ZC3H6: variants seen among roughly 807,000 people sequenced by gnomAD.
ZC3H6 encodes zinc finger CCCH-type containing 6.
A neutral mutation model predicts 107.7 loss-of-function variants in ZC3H6; 40 were observed. That is an observed-to-expected ratio of 0.37 (90% CI 0.29 to 0.48). The LOEUF (loss-of-function observed/expected upper bound fraction) is 0.48. Among genes scored for constraint, ZC3H6 ranks in the 20% least tolerant of loss-of-function variants. The pLI, the probability that ZC3H6 is intolerant of heterozygous loss-of-function variation, is 0.98. For synonymous variants in ZC3H6, 493 were observed against 487.9 expected (o/e 1.01, Z -0.14); for missense variants, 1,267 against 1,410.4 (o/e 0.90, Z 1.63).
At position 112,275,987 on chromosome 2, in the gene ZC3H6, G is replaced by C; in HGVS notation, c.-8G>C. On this transcript the variant is annotated 5_prime_UTR_variant, in exon 1 of 12. Transcript: ENST00000409871. ...TGCCCTCCAGCCCCGCCCCGTTCTT[G>C]ACCAAACATGACAGACTCTGAACAT... is the stretch of plus-strand genomic sequence containing the variant. 1 of 1,536,736 alleles carries C rather than the reference G, an allele frequency of 6.5e-7. No individual in the cohort carries two copies. The highest frequency in any genetic ancestry group is 8.8e-7 in the Non-Finnish European group (1 of 1,141,318).
chr2:112,321,404 A>G (rs1317498906), intron 7 of ZC3H6, among the ~76,000 whole-genome samples: 1 of 151,998 alleles, frequency 6.6e-6, no homozygotes, highest in Non-Finnish European at 1.5e-5. Context: ...TCTAGTTTTA[A>G]TAGAGAAAAA....
chr2:112,310,804 G>A (rs1558952681), intron 4 of ZC3H6, among the ~76,000 whole-genome samples: 2 of 152,118 alleles, frequency 1.3e-5, no homozygotes, highest in Non-Finnish European at 2.9e-5. Flanking sequence ...ATGAAGTAGT[G>A]AGGAGCCACA....
rs1251380996 is a variant in ZC3H6 at position 112,338,799 on chromosome 2, C to G, written c.*6311C>G. 6.8e-6 allele frequency: 1 copy of G among 146,178 alleles called. No homozygotes were observed. The highest frequency in any genetic ancestry group is 1.5e-5 in the Non-Finnish European group (1 of 66,340). The allele number at this position is 146,178 out of a possible 1,614,324, so 9.1% of individuals were successfully genotyped here. A position where few individuals can be genotyped will look rare whatever the true frequency, so the allele number is the denominator to read the frequency against. On this transcript the variant is annotated 3_prime_UTR_variant, in exon 12 of 12. Transcript: ENST00000409871. ...AACCATATTCTCAAACCTCCATTACCACTAATATCTTGGGGTTGTCAATGA... is the reference window on the plus strand; with the variant it reads ...AACCATATTCTCAAACCTCCATTACGACTAATATCTTGGGGTTGTCAATGA...
At position 112,277,923 on chromosome 2, in the gene ZC3H6, A is replaced by C. The variant is rs548885805; in HGVS notation, c.32+1897A>C. ...CTTCCCTGGGGAACTTTTTTTCTTT[A>C]AAGTATTGGCGCTATTTCTGTTGGT... On this transcript the variant is annotated intron_variant, in intron 1 of 11. Transcript: ENST00000409871. Among the ~76,000 whole-genome samples, 13 of 152,194 alleles carry C rather than the reference A, an allele frequency of 8.5e-5. No homozygotes were observed. The East Asian group carries it at 2.5e-3, about 29-fold the overall frequency.
In ZC3H6 at chr2:112,335,296, C is replaced by T. The variant is rs1251216950; in HGVS notation, c.*2808C>T. On this transcript the variant is annotated 3_prime_UTR_variant, in exon 12 of 12. Transcript: ENST00000409871. The stretch of plus-strand genomic sequence containing the variant: ...AAGAGCCTAATTGTGAAATGATGTG[C>T]GCTTATGTTTCTGTTTATCCTTTAG... 2 of 152,138 alleles carry T rather than the reference C, an allele frequency of 1.3e-5. No individual in the cohort carries two copies. Among genetic ancestry groups the T allele is most frequent in the African/African-American group, 2.4e-5 (1 of 41,436 alleles). The allele number at this position is 152,138 out of a possible 1,614,324, so 9.4% of individuals were successfully genotyped here. A position where few individuals can be genotyped will look rare whatever the true frequency, so the allele number is the denominator to read the frequency against.
At position 112,337,664 on chromosome 2, in the gene ZC3H6, C is replaced by T. The variant is rs537011507; in HGVS notation, c.*5176C>T. 6.6e-6 allele frequency: 1 copy of T among 151,988 alleles called. No individual in the cohort carries two copies. The highest frequency in any genetic ancestry group is 6.5e-5 in the Admixed American group (1 of 15,270). The allele number at this position is 151,988 out of a possible 1,614,324, so 9.4% of individuals were successfully genotyped here. On this transcript the variant is annotated 3_prime_UTR_variant, in exon 12 of 12. Transcript: ENST00000409871. ...TTTGAGACAGTCTCACTTTGTCGCT[C>T]AGGCTGAAGTGCAGTGGCGCTATCA...
At chr2:112,310,278 T>C in intron 4 of ZC3H6, 117 bp downstream of exon 4, 1 of 1,004,344 alleles carries the variant, frequency 1.0e-6, no homozygotes. Context: ...TTGTAGAACC[T>C]AAATTCATTT....
At chr2:112,322,203 CTCTCTCTG>C (rs1359636484) in intron 8 of ZC3H6, among the ~76,000 whole-genome samples, 8 of 150,026 alleles carry the variant, frequency 5.3e-5, no homozygotes, top group Admixed American at 4.7e-4. Context: ...TTCTCTCTCT[CTCTCTCTG>C]TCTCTTTTCT....
intron 1 of ZC3H6, among the ~76,000 whole-genome samples, chr2:112,290,477 G>A (rs747623282): frequency 6.6e-6 from 1 of 152,174 alleles, no homozygotes; most frequent in Non-Finnish European, 1.5e-5. Context: ...TACCTACTTC[G>A]TATACTTGTG....
At chr2:112,327,770 C>T (rs574596978) in intron 11 of ZC3H6, among the ~76,000 whole-genome samples, 3 of 152,246 alleles carry the variant, frequency 2.0e-5, no homozygotes, top group East Asian at 3.8e-4. Context: ...ACGAGATTGT[C>T]CTTTCCCCGA....
chr2:112,310,262 T>A, intron 4 of ZC3H6, 101 bp downstream of exon 4: 1 of 1,181,300 alleles, frequency 8.5e-7, no homozygotes, highest in Non-Finnish European at 1.2e-6. Context: ...CAAGATTAGC[T>A]TATTCTTGTA....
chr2:112,309,500 T>C (rs1461257807), intron 3 of ZC3H6, among the ~76,000 whole-genome samples: 1 of 152,206 alleles, frequency 6.6e-6, no homozygotes, highest in Admixed American at 6.5e-5. Flanking sequence ...GGAGAAATAG[T>C]ATGTTTTACC....
rs547236703 is a variant in ZC3H6, at chr2:112,331,976, G to C, written c.3058G>C (p.Ala1020Pro). ...AGGAACTAGCAATTCTGGTTCCGGG[G>C]CTCTGCCTCCATATGCCCCTAAACT... ...GAGTSNSGSG[A>P]LPPYAPKLSS... The change falls in exon 12 of 12, where the codon GCT (alanine) becomes CCT (proline). Residue 1020 changes from alanine to proline, a missense_variant. By Grantham distance (27) the Ala-to-Pro change is conservative. Around this residue, in one of 3 missense-constraint regions of ZC3H6, gnomAD observed 925 missense variants for 1,025.7 expected, o/e 0.90. Coordinates refer to ENST00000409871, the MANE Select transcript of ZC3H6 (RefSeq NM_198581.3). 6.2e-7 allele frequency: 1 copy of C among 1,613,968 alleles called. No individual in the cohort carries two copies. Among genetic ancestry groups the C allele is most frequent in the South Asian group, 1.1e-5 (1 of 91,080 alleles).
At chr2:112,295,632 G>A (rs1483934550) in intron 1 of ZC3H6, among the ~76,000 whole-genome samples, 2 of 152,120 alleles carry the variant, frequency 1.3e-5, no homozygotes, top group Non-Finnish European at 1.5e-5. Context: ...TTTGGAAGCA[G>A]TTCATAGTGT....
At position 112,338,789 on chromosome 2, in the gene ZC3H6, C is replaced by A. The variant is rs1473743746; in HGVS notation, c.*6301C>A. On this transcript the variant is annotated 3_prime_UTR_variant, in exon 12 of 12. Transcript: ENST00000409871. Reference sequence around the variant, plus strand: ...ATTAAAAAATAACCATATTCTCAAACCTCCATTACCACTAATATCTTGGGG... The same window carrying A: ...ATTAAAAAATAACCATATTCTCAAAACTCCATTACCACTAATATCTTGGGG... 1 of 146,776 alleles carries A rather than the reference C, an allele frequency of 6.8e-6. No individual in the cohort carries two copies. Among genetic ancestry groups the A allele is most frequent in the African/African-American group, 2.5e-5 (1 of 40,500 alleles). The allele number at this position is 146,776 out of a possible 1,614,324, so 9.1% of individuals were successfully genotyped here.
At chr2:112,276,777 A>G (rs1686434789) in intron 1 of ZC3H6, among the ~76,000 whole-genome samples, 1 of 152,216 alleles carries the variant, frequency 6.6e-6, no homozygotes, top group African/African-American at 2.4e-5. Flanking sequence ...TTTACAAAGT[A>G]TACTGTAGCA....
intron 10 of ZC3H6, 22 bp from the exon 11 acceptor site, chr2:112,324,942 T>G: frequency 1.9e-6 from 3 of 1,570,724 alleles, no homozygotes; most frequent in Non-Finnish European, 2.6e-6. Flanking sequence ...AATGACTGTC[T>G]CTCCCCATGT....
intron 1 of ZC3H6, among the ~76,000 whole-genome samples, chr2:112,279,038 G>A (rs1573942620): frequency 6.6e-6 from 1 of 152,180 alleles, no homozygotes; most frequent in Admixed American, 6.5e-5. Context: ...TTAAAACATT[G>A]TATTTTATAA....
rs1267263727 is a variant in ZC3H6, at chr2:112,333,751, G to GTT, written c.*1264_*1265insTT. The GTT allele has an allele frequency of 6.6e-6, 1 of 151,996 alleles. No homozygotes were observed. The highest frequency in any genetic ancestry group is 1.9e-4 in the East Asian group (1 of 5,196). 9.4% of individuals were successfully genotyped at this position (151,996 alleles called of 1,614,324 possible). On this transcript the variant is annotated 3_prime_UTR_variant, in exon 12 of 12. Coordinates refer to ENST00000409871, the MANE Select transcript of ZC3H6 (RefSeq NM_198581.3). ...TGCAGGTGTAGGACAGTGTTTGCTG[G>GTT]TAACAACTCCAATGTGTATTAATAA...
Sources: gnomAD v4.1 joint callset for allele counts (sites outside exome capture counted in the v4.1 genomes callset) on GRCh38, gnomAD v4.1.1 for gene constraint, gnomAD v4.1.1 regional missense constraint, MANE v1.5 for transcripts, NCBI Gene and HGNC (gene_info 2026-07-23, HGNC 2026-07-21) for gene names.